PARD3: variants seen among roughly 807,000 people sequenced by gnomAD.
PARD3 encodes par-3 family cell polarity regulator, also known as partitioning defective 3 homolog.
In PARD3, 75 loss-of-function variants were observed where a neutral mutation model predicts 155.4. That is an observed-to-expected ratio of 0.48 (90% CI 0.40 to 0.58). The LOEUF (loss-of-function observed/expected upper bound fraction) is 0.58. Among genes scored for constraint, PARD3 ranks in the 20% least tolerant of loss-of-function variants. PARD3 has a pLI of 0.00. For missense variants in PARD3, 1,642 were observed against 1,721.7 expected, an observed-to-expected ratio of 0.95 and a Z score of 0.82; for synonymous variants, 576 against 610.5, an observed-to-expected ratio of 0.94 and a Z score of 0.83.
At chr10:34,667,272 T>C (rs899316659) in intron 2 of PARD3, among the ~76,000 whole-genome samples, 3 of 152,214 alleles carry the variant, frequency 2.0e-5, no homozygotes, top group Non-Finnish European at 4.4e-5. Context: ...AGATAGCTAG[T>C]AGGAGTGATC....
Position 34,499,116 on chromosome 10 carries a change from C to G in PARD3, c.403+17863G>C, listed in dbSNP as rs540839309. ...CAATGGTTACTCAATTTGTTTAGCT[C>G]AAGATTTTTTTCTCTAAGTACATGT... is the stretch of plus-strand genomic sequence containing the variant. On this transcript the variant is annotated intron_variant, in intron 3 of 24. Coordinates refer to ENST00000374788, the MANE Select transcript of PARD3 (RefSeq NM_001184785.2). 3.9e-5 allele frequency among the ~76,000 whole-genome samples: 6 copies of G among 152,024 alleles called. No individual in the cohort carries two copies. In the East Asian group the frequency reaches 9.7e-4, roughly 25 times the overall value.
At chr10:34,560,428 CA>C (rs1208232263) in intron 2 of PARD3, among the ~76,000 whole-genome samples, 1 of 151,968 alleles carries the variant, frequency 6.6e-6, no homozygotes, top group Non-Finnish European at 1.5e-5. Flanking sequence ...TTGACGAGTT[CA>C]GGGGGTTGTT....
intron 5 of PARD3, among the ~76,000 whole-genome samples, chr10:34,436,067 T>A (rs1235380381): frequency 6.6e-6 from 1 of 152,114 alleles, no homozygotes; most frequent in East Asian, 1.9e-4. Context: ...ATGAATCAAA[T>A]ACGAAATTTA....
At chr10:34,344,803 T>G in intron 15 of PARD3, 1 of 985,382 alleles carries the variant, frequency 1.0e-6, no homozygotes, top group Non-Finnish European at 1.2e-6. Flanking sequence ...CAACAAAAGC[T>G]AAGGAAATCC....
chr10:34,497,308 A>T (rs1227052967), intron 3 of PARD3, among the ~76,000 whole-genome samples: 3 of 152,236 alleles, frequency 2.0e-5, no homozygotes, highest in East Asian at 3.8e-4. Flanking sequence ...TATAACAACT[A>T]TTTATATAGC....
At chr10:34,597,429 C>T (rs1540952) in intron 2 of PARD3, among the ~76,000 whole-genome samples, 70,643 of 151,092 alleles carry the variant, frequency 0.47, 17,637 homozygotes, top group African/African-American at 0.66. Context: ...TATTTATTTA[C>T]TATTATTATT....
intron 22 of PARD3, among the ~76,000 whole-genome samples, chr10:34,268,089 G>T (rs1955417638): frequency 6.6e-6 from 1 of 152,152 alleles, no homozygotes; most frequent in African/African-American, 2.4e-5. Flanking sequence ...ATGATTATTT[G>T]TGAACTAAAC....
intron 2 of PARD3, among the ~76,000 whole-genome samples, chr10:34,554,598 T>C (rs2084845991): frequency 6.6e-6 from 1 of 152,264 alleles, no homozygotes; most frequent in East Asian, 1.9e-4. Flanking sequence ...TTAAACTCTA[T>C]GGAAAATAAA....
At chr10:34,154,930 C>T (rs112570427) in intron 22 of PARD3, among the ~76,000 whole-genome samples, 65 of 152,176 alleles carry the variant, frequency 4.3e-4, no homozygotes, top group Non-Finnish European at 7.6e-4. Flanking sequence ...AAATGCCAGG[C>T]ATTATGTAAA....
At chr10:34,399,268 G>A (rs1199424411) in intron 7 of PARD3, 62 bp downstream of exon 7, 2 of 1,039,478 alleles carry the variant, frequency 1.9e-6, no homozygotes, top group South Asian at 2.5e-5. Flanking sequence ...CTCTATCTGA[G>A]CATAAATGAA....
chr10:34,127,366 C>T (rs1328459582), intron 23 of PARD3, among the ~76,000 whole-genome samples: 3 of 152,130 alleles, frequency 2.0e-5, no homozygotes, highest in African/African-American at 7.2e-5. Context: ...GGGGTTCTTT[C>T]AAGCCTTTTC....
At chr10:34,636,205 G>A (rs2092468521) in intron 2 of PARD3, among the ~76,000 whole-genome samples, 1 of 152,098 alleles carries the variant, frequency 6.6e-6, no homozygotes, top group Admixed American at 6.5e-5. Flanking sequence ...GCCCTCATCA[G>A]TTTAAACCAA....
At chr10:34,288,374 T>C (rs74131674) in intron 20 of PARD3, among the ~76,000 whole-genome samples, 2,573 of 152,268 alleles carry the variant, frequency 0.017, 83 homozygotes, top group African/African-American at 0.059. Context: ...TACTTTATAA[T>C]TGGGACAAAA....
At chr10:34,174,008 T>C (rs1199799825) in intron 22 of PARD3, among the ~76,000 whole-genome samples, 3 of 152,168 alleles carry the variant, frequency 2.0e-5, no homozygotes, top group Admixed American at 1.3e-4. Flanking sequence ...AGGCAAGATC[T>C]GATATGATTT....
chr10:34,372,606 ATTTAT>A, intron 11 of PARD3, 70 bp from the exon 12 acceptor site: 1 of 1,092,496 alleles, frequency 9.2e-7, no homozygotes, highest in Non-Finnish European at 1.4e-6. Flanking sequence ...GGACACAATG[ATTTAT>A]TTTAAAGAAA....
intron 5 of PARD3, among the ~76,000 whole-genome samples, chr10:34,433,226 T>C (rs1349251862): frequency 6.6e-6 from 1 of 152,152 alleles, no homozygotes. Flanking sequence ...CATAACTTAC[T>C]CCCAAGTCAA....
At chr10:34,233,750 C>G (rs753364849) in intron 22 of PARD3, among the ~76,000 whole-genome samples, 1 of 152,060 alleles carries the variant, frequency 6.6e-6, no homozygotes, top group Non-Finnish European at 1.5e-5. Context: ...TTATTTCTAT[C>G]CCATCCCACC....
At chr10:34,792,346 A>G (rs1473535360) in intron 1 of PARD3, among the ~76,000 whole-genome samples, 1 of 151,902 alleles carries the variant, frequency 6.6e-6, no homozygotes. Context: ...CAGCCTCCCA[A>G]AGCACTGGGA....
intron 19 of PARD3, among the ~76,000 whole-genome samples, chr10:34,320,283 T>G (rs1958294973): frequency 6.6e-6 from 1 of 152,168 alleles, no homozygotes; most frequent in Admixed American, 6.5e-5. Flanking sequence ...TAACACTAGG[T>G]AGGAATGCTC....
Sources: allele counts gnomAD v4.1 joint callset (sites outside exome capture counted in the v4.1 genomes callset), GRCh38; gene constraint gnomAD v4.1.1; transcripts MANE v1.5; gene names NCBI Gene and HGNC (gene_info 2026-07-23, HGNC 2026-07-21).